Variants in HSP90AB1 observed in about 807,000 individuals in gnomAD.
HSP90AB1 encodes heat shock protein 90 alpha family class B member 1.
A neutral mutation model predicts 67.8 loss-of-function variants in HSP90AB1; 17 were observed. The observed-to-expected ratio is 0.25, with a 90% CI of 0.17 to 0.38. The LOEUF (loss-of-function observed/expected upper bound fraction) is 0.38, where lower values mean the gene tolerates loss of function less well. Among genes scored for constraint, HSP90AB1 ranks in the 10% least tolerant of loss-of-function variants. The pLI, the probability that HSP90AB1 is intolerant of heterozygous loss-of-function variation, is 1.00. For synonymous variants in HSP90AB1, 390 were observed against 312.9 expected, an observed-to-expected ratio of 1.25 and a Z score of -2.60; for missense variants, 690 against 899.9, an observed-to-expected ratio of 0.77 and a Z score of 2.98.
At chr6:44,252,828 C>T (rs1432441329) in intron 10 of HSP90AB1, among the ~76,000 whole-genome samples, 1 of 151,356 alleles carries the variant, frequency 6.6e-6, no homozygotes, top group Admixed American at 6.6e-5. Context: ...GGATCTCGCT[C>T]ACTGCAAACT....
rs771117200 is a variant in HSP90AB1 at position 44,249,396 on chromosome 6, A to G, written c.167A>G (p.Tyr56Cys). The G allele has an allele frequency of 3.1e-6, 5 of 1,613,896 alleles. No individual in the cohort carries two copies. The highest frequency in any genetic ancestry group is 4.2e-6 in the Non-Finnish European group (5 of 1,179,764). Residue 56 changes from tyrosine to cysteine, a missense_variant, in exon 3 of 12, where the codon TAT (tyrosine) becomes TGT (cysteine). Coordinates refer to ENST00000371646, the MANE Select transcript of HSP90AB1 (RefSeq NM_007355.4). The part of the protein sequence containing the change: ...NASDALDKIR[Y>C]ESLTDPSKLD... The stretch of plus-strand genomic sequence containing the variant: ...TTCCAGGCCTTGGACAAGATTCGCT[A>G]TGAGAGCCTGACAGACCCTTCGAAG...
At chr6:44,248,889 G>GC in intron 2 of HSP90AB1, 113 bp downstream of exon 2, 1 of 923,688 alleles carries the variant, frequency 1.1e-6, no homozygotes, top group Non-Finnish European at 1.7e-6. Context: ...GGGTAAACTT[G>GC]CAGCTATTCC....
rs1298276030 is a variant in HSP90AB1 at position 44,253,573 on chromosome 6, C to T, written c.2150C>T (p.Ala717Val). 8.1e-6 allele frequency: 13 copies of T among 1,613,776 alleles called. No individual in the cohort carries two copies. The highest frequency in any genetic ancestry group is 3.3e-5 in the Admixed American group (2 of 60,030). The change falls in exon 12 of 12, where the codon GCG (alanine) becomes GTG (valine). Residue 717 changes from alanine to valine, a missense_variant. Ala to Val is a moderately conservative substitution (Grantham distance 64). Transcript: ENST00000371646. ...CCCCCTCTCGAGGGCGATGAGGATG[C>T]GTCTCGCATGGAAGAAGTCGATTAG... ...EIPPLEGDEDASRMEEVD is the reference protein window; with the variant it reads ...EIPPLEGDEDVSRMEEVD
intron 1 of HSP90AB1, among the ~76,000 whole-genome samples, chr6:44,247,428 G>T (rs1780042055): frequency 6.6e-6 from 1 of 152,086 alleles, no homozygotes; most frequent in African/African-American, 2.4e-5. Context: ...TGGCCGTAGC[G>T]AGGTGGGCTG....
At position 44,251,083 on chromosome 6, in the gene HSP90AB1, A is replaced by G. The variant is rs757072074; in HGVS notation, c.993A>G (p.Ala331=). ...FSVEGQLEFR[A]LLFIPRRAPF... is the part of the protein sequence containing the mutation. ...TAGAAGGTCAGTTGGAATTCAGGGC[A>G]TTGCTATTTATTCCTCGTCGGGCTC... The change falls in exon 7 of 12, where the codon GCA becomes GCG. Residue 331 remains alanine, a synonymous_variant. Transcript: ENST00000371646. 5 of 1,614,008 alleles carry G rather than the reference A, an allele frequency of 3.1e-6. No homozygotes were observed. The highest frequency in any genetic ancestry group is 2.7e-5 in the African/African-American group (2 of 74,912).
Position 44,247,154 on chromosome 6 carries a change from C to T in HSP90AB1, c.-42C>T, listed in dbSNP as rs1009269749. On this transcript the variant is annotated 5_prime_UTR_variant, in exon 1 of 12. Transcript: ENST00000371646. ...GACTGTCTGGGTATCGGAAAGCAAG[C>T]CTACGTTGCTCACTATTACGTATAA... 1 of 152,256 alleles carries T rather than the reference C, an allele frequency of 6.6e-6. No homozygotes were observed. Among genetic ancestry groups the T allele is most frequent in the African/African-American group, 2.4e-5 (1 of 41,436 alleles). 9.4% of individuals were successfully genotyped at this position (152,256 alleles called of 1,614,324 possible).
intron 1 of HSP90AB1, 88 bp from the exon 2 acceptor site, chr6:44,248,540 GTC>G: frequency 8.0e-7 from 1 of 1,243,664 alleles, no homozygotes; most frequent in Non-Finnish European, 1.1e-6. Context: ...TGAACTCACT[GTC>G]TAAGGTCCTA....
chr6:44,253,866 A>C lies in HSP90AB1; in HGVS notation c.*268A>C, dbSNP rs1781059618. The C allele has an allele frequency of 1.4e-6, 1 of 698,482 alleles. No homozygotes were observed. The highest frequency in any genetic ancestry group is 1.4e-5 in the South Asian group (1 of 72,772). 43.3% of individuals were successfully genotyped at this position (698,482 alleles called of 1,614,324 possible). On this transcript the variant is annotated 3_prime_UTR_variant, in exon 12 of 12. Transcript: ENST00000371646. ...GAAATTAAAGTATGCAAAATAAAGAATATGCCGTTTTTATACAGTTCTGCT... is the reference window on the plus strand; with the variant it reads ...GAAATTAAAGTATGCAAAATAAAGACTATGCCGTTTTTATACAGTTCTGCT...
intron 6 of HSP90AB1, 67 bp downstream of exon 6, chr6:44,250,666 T>G: frequency 1.1e-6 from 1 of 870,338 alleles, no homozygotes; most frequent in Non-Finnish European, 1.9e-6. Flanking sequence ...GGTGGAAGAG[T>G]GTTGGGTAAT....
Position 44,253,640 on chromosome 6 carries a change from G to A in HSP90AB1, c.*42G>A. ...TGGAAAACTTGTGCCCTTGTATAGT[G>A]TCCCCATGGGCTCCCACTGCAGCCT... On this transcript the variant is annotated 3_prime_UTR_variant, in exon 12 of 12. Transcript: ENST00000371646. 2 of 1,437,234 alleles carry A rather than the reference G, an allele frequency of 1.4e-6. No individual in the cohort carries two copies. Among genetic ancestry groups the A allele is most frequent in the Non-Finnish European group, 9.8e-7 (1 of 1,018,918 alleles). 89.0% of individuals were successfully genotyped at this position (1,437,234 alleles called of 1,614,324 possible).
intron 10 of HSP90AB1, 74 bp from the exon 11 acceptor site, chr6:44,252,971 A>C: frequency 7.9e-7 from 1 of 1,266,744 alleles, no homozygotes; most frequent in South Asian, 1.3e-5. Flanking sequence ...CCCCTGCTGG[A>C]ATTAGGCTTG....
chr6:44,248,477 A>T, intron 1 of HSP90AB1, 153 bp from the exon 2 acceptor site: 1 of 588,234 alleles, frequency 1.7e-6, no homozygotes, highest in Non-Finnish European at 2.9e-6. Flanking sequence ...TGAGATCTTT[A>T]AGAGAATGCA....
rs1383422656 is a variant in HSP90AB1 at position 44,250,068 on chromosome 6, G to A, written c.562G>A (p.Asp188Asn). 1 of 1,614,028 alleles carries A rather than the reference G, an allele frequency of 6.2e-7. No individual in the cohort carries two copies. Among genetic ancestry groups the A allele is most frequent in the African/African-American group, 1.3e-5 (1 of 74,936 alleles). Residue 188 changes from aspartate to asparagine, a missense_variant, in exon 5 of 12, where the codon GAT becomes AAT. Coordinates refer to ENST00000371646, the MANE Select transcript of HSP90AB1 (RefSeq NM_007355.4). Reference protein sequence around the residue: ...GTKVILHLKEDQTEYLEERRV... With the variant: ...GTKVILHLKENQTEYLEERRV... ...CAAAGTGATCCTCCATCTTAAAGAA[G>A]ATCAGACAGAGTACCTAGAAGAGAG...
At chr6:44,248,394 A>G (rs1240795842) in intron 1 of HSP90AB1, among the ~76,000 whole-genome samples, 2 of 152,196 alleles carry the variant, frequency 1.3e-5, no homozygotes, top group Non-Finnish European at 1.5e-5. Context: ...GTTCTGTGAC[A>G]TTTGGTTGAA....
chr6:44,251,355 A>G, intron 7 of HSP90AB1, 63 bp from the exon 8 acceptor site: 1 of 1,551,098 alleles, frequency 6.4e-7, no homozygotes, highest in Non-Finnish European at 8.8e-7. Flanking sequence ...TTCTGTTTGA[A>G]TCTGGGGACC....
Position 44,251,413 on chromosome 6 carries a change from G to T in HSP90AB1, c.1124-5G>T. 6.3e-7 allele frequency: 1 copy of T among 1,599,056 alleles called. No individual in the cohort carries two copies. Among genetic ancestry groups the T allele is most frequent in the South Asian group, 1.1e-5 (1 of 89,440 alleles). Reference sequence around the variant, plus strand: ...ACTGAGCTTTCTCACCCTGGTTGATGGCAGATTTTATCCGTGGTGTGGTTG... The same window carrying T: ...ACTGAGCTTTCTCACCCTGGTTGATTGCAGATTTTATCCGTGGTGTGGTTG... On this transcript the variant is annotated splice_polypyrimidine_tract_variant and splice_region_variant and intron_variant, in intron 7 of 11. Coordinates refer to ENST00000371646, the MANE Select transcript of HSP90AB1 (RefSeq NM_007355.4).
chr6:44,252,962 C>T (rs1248215631), intron 10 of HSP90AB1, 83 bp from the exon 11 acceptor site: 7 of 1,151,194 alleles, frequency 6.1e-6, no homozygotes, highest in Admixed American at 1.8e-5. Flanking sequence ...CACCTCCTCC[C>T]CCTGCTGGAA....
At chr6:44,248,521 A>T in intron 1 of HSP90AB1, 109 bp from the exon 2 acceptor site, 2 of 981,216 alleles carry the variant, frequency 2.0e-6, no homozygotes, top group Non-Finnish European at 3.0e-6. Flanking sequence ...TACTCCGGTT[A>T]AACCAGTCTG....
chr6:44,251,449 T>C lies in HSP90AB1; in HGVS notation c.1155T>C (p.Asp385=). Residue 385 remains aspartate, a synonymous_variant, in exon 8 of 12, where the codon GAT becomes GAC. Coordinates refer to ENST00000371646, the MANE Select transcript of HSP90AB1 (RefSeq NM_007355.4). ...TCCGTGGTGTGGTTGACTCTGAGGATCTGCCCCTGAACATCTCCCGAGAAA... is the reference window on the plus strand; with the variant it reads ...TCCGTGGTGTGGTTGACTCTGAGGACCTGCCCCTGAACATCTCCCGAGAAA... The part of the protein sequence containing the change: ...NFIRGVVDSE[D]LPLNISREML... 1 of 1,607,426 alleles carries C rather than the reference T, an allele frequency of 6.2e-7. No individual in the cohort carries two copies. Among genetic ancestry groups the C allele is most frequent in the Non-Finnish European group, 8.5e-7 (1 of 1,176,436 alleles).
Sources: allele counts gnomAD v4.1 joint callset (sites outside exome capture counted in the v4.1 genomes callset), GRCh38; gene constraint gnomAD v4.1.1; transcripts MANE v1.5; gene names NCBI Gene and HGNC (gene_info 2026-07-23, HGNC 2026-07-21).